Variants in PER1 observed in about 807,000 individuals in gnomAD.
The protein encoded by PER1 is period circadian protein homolog 1.
PER1 carries 87 observed loss-of-function variants against 125.9 expected under a neutral mutation model. The observed-to-expected ratio is 0.69, with a 90% CI of 0.58 to 0.83. The LOEUF is 0.83. Ranked by LOEUF, PER1 falls within the 40% of genes least tolerant of loss-of-function variation. The pLI is 0.00. For missense variants in PER1, 1,775 were observed against 1,722.8 expected, an observed-to-expected ratio of 1.03 and a Z score of -0.54; for synonymous variants, 801 against 714.7, an observed-to-expected ratio of 1.12 and a Z score of -1.93.
chr17:8,148,501 G>A (rs186329150), intron 8 of PER1, 143 bp downstream of exon 8: 6 of 1,073,454 alleles, frequency 5.6e-6, no homozygotes, highest in African/African-American at 4.7e-5. Context: ...ACCTCTAAGA[G>A]GAGCTCAAAT....
In PER1 at chr17:8,150,488, G is replaced by A. The variant is rs947440145; in HGVS notation, c.219C>T (p.Ser73=). ...CTGAGTCCTTGCCGTTGCCTGAGGA[G>A]GAGCTGTGTGAGCTCCGCTGAGATG... The part of the protein sequence containing the change: ...RGASQRSSHS[S]SSGNGKDSAL... The change falls in exon 2 of 23, where the codon TCC becomes TCT. Residue 73 remains serine, a synonymous_variant. Coordinates refer to ENST00000317276, the MANE Select transcript of PER1 (RefSeq NM_002616.3). The A allele has an allele frequency of 1.2e-6, 2 of 1,614,014 alleles. No individual in the cohort carries two copies. Among genetic ancestry groups the A allele is most frequent in the African/African-American group, 1.3e-5 (1 of 74,930 alleles).
At position 8,151,385 on chromosome 17, in the gene PER1, C is replaced by G. The variant is rs538237643; in HGVS notation, c.-139-540G>C. Among the ~76,000 whole-genome samples, 6 of 152,310 alleles carry G rather than the reference C, an allele frequency of 3.9e-5. No homozygotes were observed. In the East Asian group the frequency reaches 1.2e-3, roughly 29 times the overall value. ...CACAGGAGGGCGGGAGGAGCGACCC[C>G]TCCCCCATTTCCCGGCGGAAGTGGG... On this transcript the variant is annotated intron_variant, in intron 1 of 22. Transcript: ENST00000317276.
chr17:8,151,376 G>A (rs567505669), intron 1 of PER1, among the ~76,000 whole-genome samples: 146 of 152,296 alleles, frequency 9.6e-4, no homozygotes, highest in Non-Finnish European at 2.9e-4. Context: ...AGGGCGGGAG[G>A]AGCGACCCCT....
chr17:8,141,300 T>C lies in PER1; in HGVS notation c.3641A>G (p.His1214Arg), dbSNP rs1275983891. The change falls in exon 23 of 23, where the codon CAC becomes CGC. Residue 1214 changes from histidine (H) to arginine (R), a missense_variant. Coordinates refer to ENST00000317276, the MANE Select transcript of PER1 (RefSeq NM_002616.3). ...DCGSSTQDPG[H>R]PDDPLFSELD... ...CTCTGAGAAGAGTGGGTCATCAGGG[T>C]GACCAGGATCTTGGGTGCTGCTCCC... The C allele has an allele frequency of 2.5e-6, 4 of 1,613,582 alleles. No homozygotes were observed. Among genetic ancestry groups the C allele is most frequent in the Non-Finnish European group, 3.4e-6 (4 of 1,179,752 alleles).
Position 8,142,754 on chromosome 17 carries a change from G to T in PER1, c.3154C>A (p.Arg1052Ser), listed in dbSNP as rs144485093. The T allele has an allele frequency of 6.2e-7, 1 of 1,613,856 alleles. No homozygotes were observed. The highest frequency in any genetic ancestry group is 8.5e-7 in the Non-Finnish European group (1 of 1,179,992). The part of the protein sequence containing the change: ...LLELLLQEDS[R>S]SGTGSAASGS... ...GAGGCTGCGGAGCCTGTGCCGGAGC[G>T]CGAGTCCTCTTGCAGCAGAAGTTCG... The change falls in exon 20 of 23, where the codon CGC becomes AGC. Residue 1052 changes from arginine (R) to serine (S), a missense_variant. Arg to Ser is a moderately radical substitution (Grantham distance 110, BLOSUM62 -1). Transcript: ENST00000317276.
rs748187060 is a variant in PER1, at chr17:8,146,122, G to A, written c.2054C>T (p.Ala685Val). ...TGGGGTGGCCCCCTCCCCAGACAGC[G>A]CTGCTGACGGCGGATCTGTGCAGAG... ...VGTKKDPPSAALSGEGATPRK... is the reference protein window; with the variant it reads ...VGTKKDPPSAVLSGEGATPRK... Residue 685 changes from alanine to valine, a missense_variant, in exon 17 of 23, where the codon GCG (alanine) becomes GTG (valine). Ala to Val is a moderately conservative substitution (Grantham distance 64). Coordinates refer to ENST00000317276, the MANE Select transcript of PER1 (RefSeq NM_002616.3). The A allele has an allele frequency of 8.1e-6, 13 of 1,604,804 alleles. No individual in the cohort carries two copies. The highest frequency in any genetic ancestry group is 6.7e-5 in the African/African-American group (5 of 74,764).
chr17:8,143,320 G>A lies in PER1; in HGVS notation c.3018C>T (p.Ser1006=), dbSNP rs1982199193. Residue 1006 remains serine, a synonymous_variant, in exon 19 of 23, where the codon AGC becomes AGT. Transcript: ENST00000317276. ...EGAAVAGGPG[S]SAGPPPPSAE... ...CACTGGGAGGTGGGGGCCCGGCACTGCTCCCAGGGCCTCCTGCAACAGCAG... is the reference window on the plus strand; with the variant it reads ...CACTGGGAGGTGGGGGCCCGGCACTACTCCCAGGGCCTCCTGCAACAGCAG... 6.2e-7 allele frequency: 1 copy of A among 1,601,168 alleles called. No individual in the cohort carries two copies. The highest frequency in any genetic ancestry group is 8.5e-7 in the Non-Finnish European group (1 of 1,173,066).
chr17:8,151,545 C>T (rs934184174), intron 1 of PER1, among the ~76,000 whole-genome samples: 1 of 152,122 alleles, frequency 6.6e-6, no homozygotes, highest in African/African-American at 2.4e-5. Flanking sequence ...GTCCTGGCTT[C>T]CCCAGGACGA....
At position 8,143,690 on chromosome 17, in the gene PER1, G is replaced by A. The variant is rs565189861; in HGVS notation, c.2648C>T (p.Pro883Leu). 3 of 1,505,514 alleles carry A rather than the reference G, an allele frequency of 2.0e-6. No homozygotes were observed. Among genetic ancestry groups the A allele is most frequent in the East Asian group, 2.4e-5 (1 of 41,618 alleles). 93.3% of individuals were successfully genotyped at this position (1,505,514 alleles called of 1,614,324 possible). A position where few individuals can be genotyped will look rare whatever the true frequency, so the allele number is the denominator to read the frequency against. Residue 883 changes from proline (P) to leucine (L), a missense_variant, in exon 19 of 23, where the codon CCC becomes CTC. Coordinates refer to ENST00000317276, the MANE Select transcript of PER1 (RefSeq NM_002616.3). ...AGGAGAGAACACTGGGAGAGGGTAG[G>A]GCTGGACAACCGCTGGGAAGGGGGT... ...ATTPFPAVVQ[P>L]YPLPVFSPRG...
chr17:8,142,123 G>A (rs1033581472), intron 21 of PER1, 146 bp downstream of exon 21: 1 of 1,108,644 alleles, frequency 9.0e-7, no homozygotes. Flanking sequence ...CTCTCCTCCT[G>A]GGAGGAACTA....
intron 1 of PER1, among the ~76,000 whole-genome samples, chr17:8,152,116 G>A (rs930278918): frequency 4.6e-5 from 7 of 152,222 alleles, no homozygotes; most frequent in Non-Finnish European, 1.0e-4. Context: ...GGACGGGGAG[G>A]TGGGGACAAG....
Position 8,146,703 on chromosome 17 carries a change from C to G in PER1, c.1798G>C (p.Gly600Arg), listed in dbSNP as rs1296706381. 6.2e-7 allele frequency: 1 copy of G among 1,613,732 alleles called. No homozygotes were observed. Among genetic ancestry groups the G allele is most frequent in the Admixed American group, 1.7e-5 (1 of 59,990 alleles). ...CQSPDPELEA[G>R]SAPVQAPLAL... ...AGTGGGGCCTGGACGGGAGCAGAAC[C>G]CGCCTCCAGCTCTGGGTCTGGGGAT... The change falls in exon 15 of 23, where the codon GGT becomes CGT. Residue 600 changes from glycine to arginine, a missense_variant. Coordinates refer to ENST00000317276, the MANE Select transcript of PER1 (RefSeq NM_002616.3).
At chr17:8,147,103 ACG>A in intron 13 of PER1, 101 bp from the exon 14 acceptor site, 1 of 1,394,888 alleles carries the variant, frequency 7.2e-7, no homozygotes, top group East Asian at 2.3e-5. Context: ...GGAGGCACAG[ACG>A]CCTTGATGGG....
intron 8 of PER1, 91 bp downstream of exon 8, chr17:8,148,553 G>T: frequency 7.1e-7 from 1 of 1,413,440 alleles, no homozygotes; most frequent in Non-Finnish European, 9.6e-7. Flanking sequence ...AAATTCAAAG[G>T]GTGTGGTTCA....
rs780323087 is a variant in PER1 at position 8,147,789 on chromosome 17, T to C, written c.1273A>G (p.Ile425Val). Residue 425 changes from isoleucine (I) to valine (V), a missense_variant, in exon 11 of 23, where the codon ATC becomes GTC. Ile to Val is a conservative substitution (Grantham distance 29, BLOSUM62 3). Coordinates refer to ENST00000317276, the MANE Select transcript of PER1 (RefSeq NM_002616.3). The part of the protein sequence containing the change: ...LAGQPFDHSP[I>V]RFCARNGEYV... ...TCCCCGTTGCGGGCACAGAAGCGGA[T>C]AGGGGAGTGGTCAAAGGGCTGGCCC... The C allele has an allele frequency of 1.4e-5, 23 of 1,613,672 alleles. No individual in the cohort carries two copies. Among genetic ancestry groups the C allele is most frequent in the Non-Finnish European group, 1.9e-5 (23 of 1,179,908 alleles).
At position 8,148,701 on chromosome 17, in the gene PER1, C is replaced by A. The variant is rs961715152; in HGVS notation, c.991G>T (p.Ala331Ser). The change falls in exon 8 of 23, where the codon GCC becomes TCC. Residue 331 changes from alanine (A) to serine (S), a missense_variant. Transcript: ENST00000317276. ...AGCAGGCAGCACGGCTGTGCAGGGG[C>A]CCCATCTGAGACCCGGATCTTGGTC... ...YVTKIRVSDGAPAQPCCLLIA... is the reference protein window; with the variant it reads ...YVTKIRVSDGSPAQPCCLLIA... 1.4e-5 allele frequency: 23 copies of A among 1,613,744 alleles called. No individual in the cohort carries two copies. The highest frequency in any genetic ancestry group is 1.9e-5 in the Non-Finnish European group (23 of 1,179,836).
rs1293849640 is a variant in PER1, at chr17:8,150,579, T to A, written c.128A>T (p.Asp43Val). The change falls in exon 2 of 23, where the codon GAT (aspartate) becomes GTT (valine). Residue 43 changes from aspartate to valine, a missense_variant. Transcript: ENST00000317276. ...ACCATTGCTGTTGGCATCGGTGTCA[T>A]CGGCCAGGCTGGGGCCTGGGCAAGG... ...HRPCPGPSLA[D>V]DTDANSNGSS... The A allele has an allele frequency of 2.5e-6, 4 of 1,614,060 alleles. No homozygotes were observed. The highest frequency in any genetic ancestry group is 3.4e-6 in the Non-Finnish European group (4 of 1,180,002).
chr17:8,149,131 G>A (rs1982655254), intron 7 of PER1, 128 bp downstream of exon 7: 2 of 852,854 alleles, frequency 2.3e-6, no homozygotes, highest in Non-Finnish European at 3.9e-6. Context: ...GGAGGTTGCA[G>A]TGAGCCGAGA....
Position 8,145,949 on chromosome 17 carries a change from C to A in PER1, c.2218+9G>T. The stretch of plus-strand genomic sequence containing the variant: ...GCCCAAGCACTGCCCCCCAATTCCA[C>A]ACCCATACCCGACTCCGGGGGCTTC... On this transcript the variant is annotated intron_variant, in intron 17 of 22. Transcript: ENST00000317276. 1 of 1,586,128 alleles carries A rather than the reference C, an allele frequency of 6.3e-7. No individual in the cohort carries two copies. The highest frequency in any genetic ancestry group is 8.6e-7 in the Non-Finnish European group (1 of 1,165,832).
Sources: allele counts gnomAD v4.1 joint callset (sites outside exome capture counted in the v4.1 genomes callset), GRCh38; gene constraint gnomAD v4.1.1; transcripts MANE v1.5; gene names NCBI Gene and HGNC (gene_info 2026-07-23, HGNC 2026-07-21).